The following CSMD1 variants were observed in gnomAD, a reference collection of about 807,000 sequenced individuals.
CSMD1 encodes the protein CUB and sushi domain-containing protein 1.
Under a neutral mutation model 417.5 loss-of-function variants are expected in CSMD1, and 213 were observed. The ratio of observed to expected loss-of-function variants is 0.51; its 90% confidence interval spans 0.46 to 0.57. The LOEUF (loss-of-function observed/expected upper bound fraction) is 0.57, where lower values mean the gene tolerates loss of function less well. CSMD1 is among the 20% of genes least tolerant of loss of function. CSMD1 has a pLI of 0.00. For synonymous variants in CSMD1, 2,862 were observed against 1,736.8 expected, an observed-to-expected ratio of 1.65 and a Z score of -16.11; for missense variants, 6,923 against 4,529.7, an observed-to-expected ratio of 1.53 and a Z score of -15.17.
intron 4 of CSMD1, among the ~76,000 whole-genome samples, chr8:4,030,065 G>A (rs574235583): frequency 4.6e-5 from 7 of 152,318 alleles, no homozygotes; most frequent in Non-Finnish European, 7.3e-5. Flanking sequence ...TGACTTTGAA[G>A]AATACAGCTT....
At chr8:4,360,035 A>G (rs916766664) in intron 3 of CSMD1, among the ~76,000 whole-genome samples, 2 of 152,130 alleles carry the variant, frequency 1.3e-5, no homozygotes, top group African/African-American at 4.8e-5. Flanking sequence ...CCCTGTCCCC[A>G]TCTGAGCATA....
chr8:4,475,737 C>A (rs540207389), intron 2 of CSMD1, among the ~76,000 whole-genome samples: 1 of 151,910 alleles, frequency 6.6e-6, no homozygotes, highest in Non-Finnish European at 1.5e-5. Flanking sequence ...ATCAGCCTCC[C>A]GAGTAGCTGG....
Position 3,106,592 on chromosome 8 carries a change from G to T in CSMD1, c.6885C>A (p.Thr2295=), listed in dbSNP as rs768859739. ...AACTGAGCTTGCAAGTCAGAATGTC[G>T]GTCCCCACCAAGGTGTACCCGGGGT... ...QCHPGYTLVG[T]DILTCKLSSQ... is the part of the protein sequence containing the mutation. Residue 2295 remains threonine (T), a synonymous_variant, in exon 46 of 70, where the codon ACC becomes ACA. Transcript: ENST00000635120. 6.2e-7 allele frequency: 1 copy of T among 1,613,664 alleles called. No homozygotes were observed. The highest frequency in any genetic ancestry group is 8.5e-7 in the Non-Finnish European group (1 of 1,179,792).
intron 37 of CSMD1, among the ~76,000 whole-genome samples, chr8:3,178,971 G>A (rs1334802961): frequency 3.5e-5 from 5 of 142,618 alleles, no homozygotes; most frequent in Admixed American, 7.1e-5. Context: ...TTTTTGAGAC[G>A]GAGTCTCACT....
intron 3 of CSMD1, among the ~76,000 whole-genome samples, chr8:4,358,026 A>T (rs1261885102): frequency 6.6e-6 from 1 of 152,204 alleles, no homozygotes; most frequent in Admixed American, 6.5e-5. Flanking sequence ...TTCTGTCCTG[A>T]GGAATACACA....
chr8:4,317,281 G>A (rs1270514500), intron 3 of CSMD1, among the ~76,000 whole-genome samples: 1 of 152,178 alleles, frequency 6.6e-6, no homozygotes, highest in African/African-American at 2.4e-5. Flanking sequence ...AAAGAAAGCT[G>A]AAAGCACTGG....
At chr8:3,823,750 A>G (rs1487531890) in intron 5 of CSMD1, among the ~76,000 whole-genome samples, 1 of 152,152 alleles carries the variant, frequency 6.6e-6, no homozygotes, top group Non-Finnish European at 1.5e-5. Flanking sequence ...GTAAACTTAT[A>G]TGTTTTTCTC....
chr8:4,076,461 T>C (rs1473997469), intron 3 of CSMD1, among the ~76,000 whole-genome samples: 5 of 152,186 alleles, frequency 3.3e-5, no homozygotes, highest in Non-Finnish European at 2.9e-5. Context: ...TTAACTGTAA[T>C]AGTGACAGCA....
At chr8:4,111,667 G>A (rs774867979) in intron 3 of CSMD1, among the ~76,000 whole-genome samples, 48 of 152,308 alleles carry the variant, frequency 3.2e-4, no homozygotes, top group Non-Finnish European at 5.9e-4. Context: ...ATTCCTGCAG[G>A]AAGCAAAAGA....
At chr8:4,181,944 TTGTC>T (rs1156918612) in intron 3 of CSMD1, among the ~76,000 whole-genome samples, 2 of 91,046 alleles carry the variant, frequency 2.2e-5, no homozygotes, top group African/African-American at 8.0e-5. Flanking sequence ...GTGATTCTGT[TTGTC>T]TGTGTCTGCG....
chr8:3,865,790 A>T (rs969132892), intron 5 of CSMD1, among the ~76,000 whole-genome samples: 4 of 152,186 alleles, frequency 2.6e-5, no homozygotes, highest in Non-Finnish European at 5.9e-5. Flanking sequence ...TCTCTAAAAT[A>T]AGTGCCTCTT....
chr8:3,299,454 A>G (rs74304345), intron 25 of CSMD1, among the ~76,000 whole-genome samples: 22,444 of 151,850 alleles, frequency 0.15, 1,711 homozygotes, highest in Admixed American at 0.2. Flanking sequence ...CTTTGTCTCA[A>G]AAAAAAAGGA....
At chr8:3,962,208 T>C (rs552123774) in intron 5 of CSMD1, among the ~76,000 whole-genome samples, 34 of 152,276 alleles carry the variant, frequency 2.2e-4, no homozygotes, top group African/African-American at 7.9e-4. Context: ...CAGAATGGGA[T>C]TGTTTTGCAC....
intron 5 of CSMD1, among the ~76,000 whole-genome samples, chr8:3,926,246 G>T (rs988012086): frequency 6.6e-5 from 10 of 152,014 alleles, no homozygotes; most frequent in Non-Finnish European, 1.2e-4. Flanking sequence ...ATGTGTTAAT[G>T]GTAAAATCAC....
intron 11 of CSMD1, among the ~76,000 whole-genome samples, chr8:3,491,345 A>G (rs1304436790): frequency 6.6e-6 from 1 of 152,198 alleles, no homozygotes; most frequent in African/African-American, 2.4e-5. Flanking sequence ...TAAAGCAATG[A>G]TATTATTAGA....
chr8:4,020,733 T>G (rs185056909), intron 4 of CSMD1, among the ~76,000 whole-genome samples: 34 of 152,350 alleles, frequency 2.2e-4, no homozygotes, highest in Admixed American at 1.8e-3. Context: ...TTCTGTAATC[T>G]TCATTCATTA....
At chr8:3,533,179 G>C (rs1373218790) in intron 10 of CSMD1, among the ~76,000 whole-genome samples, 1 of 152,106 alleles carries the variant, frequency 6.6e-6, no homozygotes, top group African/African-American at 2.4e-5. Context: ...GCCAAAAATT[G>C]TACACAAAGA....
chr8:3,692,428 T>C (rs924159055), intron 7 of CSMD1, among the ~76,000 whole-genome samples: 2 of 149,340 alleles, frequency 1.3e-5, no homozygotes, highest in African/African-American at 2.5e-5. Context: ...CCACCAGACA[T>C]TTATACTTTA....
chr8:4,632,901 G>C (rs555294575), intron 2 of CSMD1, among the ~76,000 whole-genome samples: 1 of 152,294 alleles, frequency 6.6e-6, no homozygotes, highest in South Asian at 2.1e-4. Context: ...TCAGGTCAAG[G>C]AGTAACCCAC....
Sources: allele counts gnomAD v4.1 joint callset (sites outside exome capture counted in the v4.1 genomes callset), GRCh38; gene constraint gnomAD v4.1.1; transcripts MANE v1.5; gene names NCBI Gene and HGNC (gene_info 2026-07-23, HGNC 2026-07-21).